Variants in STIL observed in about 807,000 individuals in gnomAD.
STIL encodes the protein SCL-interrupting locus protein.
STIL carries 55 observed loss-of-function variants against 110.1 expected under a neutral mutation model. The ratio of observed to expected loss-of-function variants is 0.50; its 90% CI spans 0.40 to 0.63. STIL has a LOEUF of 0.63. Among genes scored for constraint, STIL ranks in the 20% least tolerant of loss-of-function variants. The pLI, the probability that STIL is intolerant of heterozygous loss-of-function variation, is 0.00. For missense variants in STIL, 1,358 were observed against 1,530.0 expected, an observed-to-expected ratio of 0.89 and a Z score of 1.87; for synonymous variants, 481 against 530.0, an observed-to-expected ratio of 0.91 and a Z score of 1.27.
At chr1:47,272,384 C>CATAT (rs2148879283) in intron 12 of STIL, 143 bp from the exon 13 acceptor site, 1 of 794,396 alleles carries the variant, frequency 1.3e-6, no homozygotes, top group East Asian at 2.7e-5. Flanking sequence ...TAGACCATAC[C>CATAT]ATGAAACTTA....
intron 16 of STIL, 59 bp from the exon 17 acceptor site, chr1:47,251,981 C>T: frequency 6.5e-7 from 1 of 1,533,398 alleles, no homozygotes; most frequent in Non-Finnish European, 8.8e-7. Flanking sequence ...ACATAGTTCT[C>T]AATGTGTTCC....
intron 9 of STIL, 40 bp from the exon 10 acceptor site, chr1:47,287,700 T>C: frequency 1.4e-6 from 2 of 1,455,272 alleles, no homozygotes; most frequent in Non-Finnish European, 1.9e-6. Context: ...CTGACTTAAA[T>C]AAGAACACCA....
intron 14 of STIL, among the ~76,000 whole-genome samples, chr1:47,265,552 G>A (rs544358225): frequency 2.6e-5 from 4 of 151,382 alleles, no homozygotes; most frequent in Non-Finnish European, 4.4e-5. Flanking sequence ...AGGCTGAGGC[G>A]GGCAGATCAT....
chr1:47,261,149 A>G (rs1417279251), intron 15 of STIL, among the ~76,000 whole-genome samples: 1 of 152,192 alleles, frequency 6.6e-6, no homozygotes, highest in African/African-American at 2.4e-5. Context: ...GCACTTTGGG[A>G]GGCCAAGGTG....
Position 47,282,349 on chromosome 1 carries a change from T to A in STIL, c.1244A>T (p.Gln415Leu). Residue 415 changes from glutamine (Q) to leucine (L), a missense_variant, in exon 11 of 17, where the codon CAG becomes CTG. Physicochemically the swap from Gln to Leu is moderately radical, Grantham distance 113. Transcript: ENST00000371877. ...GCATTTTAAAATCAGTGATACCTTC[T>A]GACTCACTGGATGAGGACTAGGAAT... ...RPIPSPHPVS[Q>L]KISKIQPSVP... 6.3e-7 allele frequency: 1 copy of A among 1,599,660 alleles called. No individual in the cohort carries two copies. The highest frequency in any genetic ancestry group is 8.6e-7 in the Non-Finnish European group (1 of 1,168,222).
At chr1:47,276,216 G>A (rs1480354811) in intron 12 of STIL, among the ~76,000 whole-genome samples, 1 of 151,702 alleles carries the variant, frequency 6.6e-6, no homozygotes, top group Non-Finnish European at 1.5e-5. Context: ...TGGCCAGGCT[G>A]GTCTCAAACT....
At chr1:47,300,283 A>T (rs965711265) in intron 5 of STIL, 131 bp from the exon 6 acceptor site, 2 of 910,662 alleles carry the variant, frequency 2.2e-6, no homozygotes, top group Admixed American at 2.9e-5. Context: ...TCTGATTTAC[A>T]GCATTTCAGT....
At chr1:47,270,255 TACAC>T (rs56253074) in intron 13 of STIL, among the ~76,000 whole-genome samples, 3,974 of 119,364 alleles carry the variant, frequency 0.033, 112 homozygotes, top group Middle Eastern at 0.058. Context: ...TATATATATA[TACAC>T]ACACACACAC....
intron 10 of STIL, among the ~76,000 whole-genome samples, chr1:47,286,874 C>T (rs1031151747): frequency 6.6e-6 from 1 of 152,028 alleles, no homozygotes; most frequent in Non-Finnish European, 1.5e-5. Context: ...CTTCACTTTT[C>T]TCACCTATAA....
At chr1:47,265,480 C>CT (rs925453596) in intron 14 of STIL, among the ~76,000 whole-genome samples, 40 of 151,394 alleles carry the variant, frequency 2.6e-4, no homozygotes, top group African/African-American at 8.2e-4. Context: ...TTTTTAATTA[C>CT]TTTTTTTGAA....
chr1:47,302,356 A>C lies in STIL; in HGVS notation c.153-10T>G. On this transcript the variant is annotated splice_polypyrimidine_tract_variant and intron_variant, in intron 3 of 16. Coordinates refer to ENST00000371877, the MANE Select transcript of STIL (RefSeq NM_001048166.1). ...CACAAGCTTTGGATTTCTGAAAAAC[A>C]ACAAGTCTTTTATGAATATGGTAGA... 1 of 1,604,962 alleles carries C rather than the reference A, an allele frequency of 6.2e-7. No individual in the cohort carries two copies. Among genetic ancestry groups the C allele is most frequent in the Non-Finnish European group, 8.5e-7 (1 of 1,171,650 alleles).
intron 14 of STIL, among the ~76,000 whole-genome samples, chr1:47,266,209 AAGG>A (rs1416105959): frequency 6.6e-6 from 1 of 152,190 alleles, no homozygotes; most frequent in African/African-American, 2.4e-5. Context: ...ACTATACTAA[AAGG>A]AGATGTTTCT....
At chr1:47,284,440 A>G (rs963286675) in intron 10 of STIL, among the ~76,000 whole-genome samples, 1 of 152,100 alleles carries the variant, frequency 6.6e-6, no homozygotes, top group African/African-American at 2.4e-5. Context: ...TGGCTCCCCA[A>G]CTCGACTTCT....
chr1:47,280,247 C>T lies in STIL; in HGVS notation c.2211G>A (p.Gln737=). 6.2e-7 allele frequency: 1 copy of T among 1,614,152 alleles called. No individual in the cohort carries two copies. The highest frequency in any genetic ancestry group is 1.1e-5 in the South Asian group (1 of 91,062). The change falls in exon 12 of 17, where the codon CAG becomes CAA. Residue 737 remains glutamine (Q), a synonymous_variant. Transcript: ENST00000371877. ...TEQDRQLRLL[Q]AQIQRLLEAQ... ...AGGAAAGCACCAAGCAAACCTGTGCCTGAAGTAGTCTTAGCTGTCTGTCTT... is the reference window on the plus strand; with the variant it reads ...AGGAAAGCACCAAGCAAACCTGTGCTTGAAGTAGTCTTAGCTGTCTGTCTT...
intron 1 of STIL, among the ~76,000 whole-genome samples, chr1:47,313,548 C>A (rs1000842217): frequency 4.6e-5 from 7 of 151,890 alleles, no homozygotes; most frequent in Non-Finnish European, 1.5e-5. Flanking sequence ...CCCCCGCCAT[C>A]CCTCACAATC....
chr1:47,304,799 A>C, intron 3 of STIL, 90 bp downstream of exon 3: 1 of 988,988 alleles, frequency 1.0e-6, no homozygotes, highest in Non-Finnish European at 1.6e-6. Context: ...AAAAATGAAT[A>C]ATTGGTCATA....
chr1:47,308,985 A>G (rs1403830936), intron 2 of STIL, among the ~76,000 whole-genome samples: 3 of 151,818 alleles, frequency 2.0e-5, no homozygotes, highest in Non-Finnish European at 2.9e-5. Flanking sequence ...CCAGGAAGCA[A>G]AGATTGCAGT....
At position 47,260,938 on chromosome 1, in the gene STIL, A is replaced by C. The variant is rs139649924; in HGVS notation, c.2830-399T>G. ...CTTAATGATACAACAAGGCCAGGGA[A>C]AATCAGTATCTTGTCAAATTCCACA... On this transcript the variant is annotated intron_variant, in intron 15 of 16. Coordinates refer to ENST00000371877, the MANE Select transcript of STIL (RefSeq NM_001048166.1). 1.8e-3 allele frequency among the ~76,000 whole-genome samples: 278 copies of C among 152,362 alleles called. 2 individuals carry two copies. The highest frequency in any genetic ancestry group is 6.4e-3 in the African/African-American group (267 of 41,590).
At chr1:47,295,886 A>G (rs1645628441) in intron 6 of STIL, 38 bp from the exon 7 acceptor site, 1 of 1,467,418 alleles carries the variant, frequency 6.8e-7, no homozygotes. Flanking sequence ...AACTGAAATT[A>G]TGTACTTTTT....
Sources: gnomAD v4.1 joint callset for allele counts (sites outside exome capture counted in the v4.1 genomes callset) on GRCh38, gnomAD v4.1.1 for gene constraint, MANE v1.5 for transcripts, NCBI Gene and HGNC (gene_info 2026-07-23, HGNC 2026-07-21) for gene names.